The following ARHGEF6 variants were observed in gnomAD, a reference collection of about 807,000 sequenced individuals.
ARHGEF6 encodes the protein Rac/Cdc42 guanine nucleotide exchange factor 6, also known as rho guanine nucleotide exchange factor 6.
In ARHGEF6, 9 loss-of-function variants were observed where a neutral mutation model predicts 70.3. That is an observed-to-expected ratio of 0.13 (90% confidence interval 0.08 to 0.22). ARHGEF6 has a LOEUF of 0.22. ARHGEF6 is among the 10% of genes least tolerant of loss of function. The pLI is 1.00. For synonymous variants in ARHGEF6, 201 were observed against 207.8 expected, an observed-to-expected ratio of 0.97 and a Z score of 0.28; for missense variants, 470 against 563.0, an observed-to-expected ratio of 0.83 and a Z score of 1.67.
chrX:136,776,845 G>A (rs1238523224), intron 2 of ARHGEF6, among the ~76,000 whole-genome samples: 1 of 104,401 alleles, frequency 9.6e-6, no homozygotes, highest in Admixed American at 1.1e-4. Flanking sequence ...AATCGACAAG[G>A]AACTCAAACA....
chrX:136,771,791 C>A (rs955999197), intron 2 of ARHGEF6, among the ~76,000 whole-genome samples: 3 of 111,729 alleles, frequency 2.7e-5, no homozygotes, highest in African/African-American at 9.7e-5. Context: ...GAAAAGGGAA[C>A]CCTCATACAC....
intron 9 of ARHGEF6, among the ~76,000 whole-genome samples, chrX:136,703,322 T>C (rs2076594255): frequency 8.9e-6 from 1 of 112,060 alleles, no homozygotes; most frequent in Non-Finnish European, 1.9e-5. Context: ...TGAAAGCATA[T>C]TTTTTCAAAT....
chrX:136,742,363 A>G (rs1403861808), intron 5 of ARHGEF6, among the ~76,000 whole-genome samples: 1 of 111,922 alleles, frequency 8.9e-6, no homozygotes, highest in Non-Finnish European at 1.9e-5. Flanking sequence ...GTATATTTCC[A>G]GAATGTTTCA....
chrX:136,769,445 C>T (rs1431029837), intron 2 of ARHGEF6, among the ~76,000 whole-genome samples: 1 of 111,343 alleles, frequency 9.0e-6, no homozygotes, highest in Non-Finnish European at 1.9e-5. Flanking sequence ...AAATAATAAA[C>T]TTGGCTCAGG....
chrX:136,771,026 C>T (rs1302421336), intron 2 of ARHGEF6, among the ~76,000 whole-genome samples: 1 of 112,085 alleles, frequency 8.9e-6, no homozygotes, highest in Non-Finnish European at 1.9e-5. Flanking sequence ...TATACACTTG[C>T]AGTGAACAAT....
At chrX:136,777,761 TACAC>T (rs376800070) in intron 2 of ARHGEF6, among the ~76,000 whole-genome samples, 6 of 98,507 alleles carry the variant, frequency 6.1e-5, no homozygotes, top group African/African-American at 2.2e-4. Flanking sequence ...TATGTATACA[TACAC>T]ACACACACAC....
intron 7 of ARHGEF6, among the ~76,000 whole-genome samples, chrX:136,712,820 G>A (rs2076700224): frequency 8.9e-6 from 1 of 111,851 alleles, no homozygotes; most frequent in South Asian, 3.7e-4. Context: ...GTGAAATAAT[G>A]GCTTGAATAG....
chrX:136,758,031 CTTTTTTTTTTTTTTTTTTTTTTT>C (rs1164537601), intron 2 of ARHGEF6, among the ~76,000 whole-genome samples: 1 of 14,032 alleles, frequency 7.1e-5, no homozygotes, highest in African/African-American at 2.9e-4. Context: ...AAAATAAATT[CTTTTTTTTTTTTTTTTTTTTTTT>C]TTTTTTTTTT....
chrX:136,708,303 C>A (rs1419894597), intron 8 of ARHGEF6, among the ~76,000 whole-genome samples: 1 of 107,866 alleles, frequency 9.3e-6, no homozygotes, highest in Non-Finnish European at 1.9e-5. Context: ...ATAGGTGCAG[C>A]AAACCACCAT....
At chrX:136,683,722 A>G (rs2076357203) in intron 12 of ARHGEF6, among the ~76,000 whole-genome samples, 1 of 111,679 alleles carries the variant, frequency 9.0e-6, no homozygotes, top group Non-Finnish European at 1.9e-5. Context: ...TTTGCCTTCC[A>G]TGCCCAGCCA....
At chrX:136,762,542 A>T (rs980329577) in intron 2 of ARHGEF6, among the ~76,000 whole-genome samples, 3 of 111,118 alleles carry the variant, frequency 2.7e-5, no homozygotes, top group African/African-American at 9.9e-5. Flanking sequence ...TCCAGGCTCC[A>T]GTGCAGTGGC....
chrX:136,702,047 C>T (rs1031036611), intron 9 of ARHGEF6, among the ~76,000 whole-genome samples: 2 of 111,089 alleles, frequency 1.8e-5, no homozygotes, highest in Non-Finnish European at 3.8e-5. Flanking sequence ...GATAACTGTT[C>T]AAAGTAATAA....
intron 5 of ARHGEF6, among the ~76,000 whole-genome samples, chrX:136,741,195 A>G (rs937666087): frequency 9.0e-6 from 1 of 111,676 alleles, no homozygotes; most frequent in Non-Finnish European, 1.9e-5. Flanking sequence ...TCGGGGGGAG[A>G]GTGCAAAGAG....
chrX:136,711,542 A>C (rs1023444508), intron 7 of ARHGEF6, among the ~76,000 whole-genome samples: 1 of 111,850 alleles, frequency 8.9e-6, no homozygotes, highest in Admixed American at 9.5e-5. Flanking sequence ...TAATAACAAA[A>C]AATACTTTGT....
chrX:136,690,714 C>T lies in ARHGEF6; in HGVS notation c.1081G>A (p.Ala361Thr), dbSNP rs779277722. 4.5e-5 allele frequency: 55 copies of T among 1,209,138 alleles called. 1 individual carries two copies. The South Asian group carries it at 6.9e-4, about 15-fold the overall frequency. ...AAAATGAGGATACCTGGGCTCGATG[C>T]ACCTTGATTTTCCATGAATTGTTCC... ...ELEQFMENQG[A>T]SSPGILILTT... is the part of the protein sequence containing the mutation. The change falls in exon 10 of 22, where the codon GCA (alanine) becomes ACA (threonine). Residue 361 changes from alanine to threonine, a missense_variant. By Grantham distance (58) the Ala-to-Thr change is moderately conservative. Coordinates refer to ENST00000250617, the MANE Select transcript of ARHGEF6 (RefSeq NM_004840.3).
intron 3 of ARHGEF6, 123 bp from the exon 4 acceptor site, chrX:136,745,470 T>G: frequency 1.1e-6 from 1 of 910,895 alleles, no homozygotes; most frequent in Non-Finnish European, 1.6e-6. Context: ...ACTGTTATCA[T>G]TATGAACATG....
intron 2 of ARHGEF6, among the ~76,000 whole-genome samples, chrX:136,748,680 T>C (rs988691399): frequency 1.8e-5 from 2 of 111,833 alleles, no homozygotes; most frequent in African/African-American, 6.5e-5. Flanking sequence ...GCATCATTTT[T>C]TCCCCAAATG....
At chrX:136,686,709 C>CATATATAT (rs35706788) in intron 11 of ARHGEF6, among the ~76,000 whole-genome samples, 33 of 63,117 alleles carry the variant, frequency 5.2e-4, no homozygotes, top group East Asian at 1.0e-3. Flanking sequence ...TATATATATA[C>CATATATAT]ATATATATAT....
chrX:136,679,105 A>G (rs748184297), intron 16 of ARHGEF6, among the ~76,000 whole-genome samples: 1 of 112,390 alleles, frequency 8.9e-6, no homozygotes, highest in East Asian at 2.8e-4. Context: ...GTTTGGACTC[A>G]TAGCTTGGTC....
Sources: allele counts gnomAD v4.1 joint callset (sites outside exome capture counted in the v4.1 genomes callset), GRCh38; gene constraint gnomAD v4.1.1; transcripts MANE v1.5; gene names NCBI Gene and HGNC (gene_info 2026-07-23, HGNC 2026-07-21).